The following PALM2AKAP2 variants were observed in gnomAD, a reference collection of about 807,000 sequenced individuals.
PALM2AKAP2 encodes PALM2-AKAP2 fusion protein.
A neutral mutation model predicts 71.5 loss-of-function variants in PALM2AKAP2; 37 were observed. That is an observed-to-expected ratio of 0.52 (90% confidence interval 0.40 to 0.68). PALM2AKAP2 has a LOEUF of 0.68. PALM2AKAP2 is among the 30% of genes least tolerant of loss of function. The pLI, the probability that PALM2AKAP2 is intolerant of heterozygous loss-of-function variation, is 0.00. For synonymous variants in PALM2AKAP2, 468 were observed against 478.8 expected (o/e 0.98, Z 0.29); for missense variants, 1,224 against 1,191.8 (o/e 1.03, Z -0.40).
intron 1 of PALM2AKAP2, among the ~76,000 whole-genome samples, chr9:109,693,857 C>T (rs552777767): frequency 6.6e-6 from 1 of 152,098 alleles, no homozygotes; most frequent in South Asian, 2.1e-4. Context: ...ATAGTGTCTT[C>T]GTAAATGTTT....
intron 1 of PALM2AKAP2, among the ~76,000 whole-genome samples, chr9:109,731,759 T>C (rs908666595): frequency 2.0e-4 from 31 of 152,210 alleles, no homozygotes; most frequent in African/African-American, 7.5e-4. Context: ...AATAAGCATG[T>C]TATACTCCTA....
At chr9:110,168,350 A>T in intron 3 of PALM2AKAP2, 49 bp from the exon 11 acceptor site, 1 of 1,590,144 alleles carries the variant, frequency 6.3e-7, no homozygotes, top group Non-Finnish European at 8.5e-7. Flanking sequence ...GTTTATGTTC[A>T]TAATTAACAT....
At chr9:110,111,552 C>T (rs1393471499) in intron 1 of PALM2AKAP2, among the ~76,000 whole-genome samples, 2 of 152,174 alleles carry the variant, frequency 1.3e-5, no homozygotes, top group Non-Finnish European at 2.9e-5. Flanking sequence ...ACAGCCTTTG[C>T]AGATAAAGTC....
intron 1 of PALM2AKAP2, among the ~76,000 whole-genome samples, chr9:109,663,173 T>TG (rs1007672009): frequency 1.3e-5 from 2 of 152,222 alleles, no homozygotes; most frequent in African/African-American, 4.8e-5. Flanking sequence ...AAAGGTTTTT[T>TG]GTGTCTCTAT....
intron 7 of PALM2AKAP2, among the ~76,000 whole-genome samples, chr9:110,026,867 A>G (rs1360556937): frequency 6.6e-6 from 1 of 151,980 alleles, no homozygotes; most frequent in Non-Finnish European, 1.5e-5. Flanking sequence ...AAATGGTGAA[A>G]CCCCGTCTCT....
intron 3 of PALM2AKAP2, among the ~76,000 whole-genome samples, chr9:109,916,524 G>A (rs991087858): frequency 1.3e-5 from 2 of 152,252 alleles, no homozygotes; most frequent in African/African-American, 4.8e-5. Context: ...GCCACACAAG[G>A]CCACATGCTC....
chr9:110,080,502 T>C (rs1055613049), intron 1 of PALM2AKAP2, among the ~76,000 whole-genome samples: 12 of 152,138 alleles, frequency 7.9e-5, no homozygotes, highest in African/African-American at 2.7e-4. Context: ...TAGGAAGAGA[T>C]GGGAAACACG....
At chr9:109,752,611 G>A (rs534381515) in intron 1 of PALM2AKAP2, among the ~76,000 whole-genome samples, 8 of 152,298 alleles carry the variant, frequency 5.3e-5, no homozygotes, top group African/African-American at 1.9e-4. Context: ...CCAAGGGGAT[G>A]AGGGGGAATG....
intron 3 of PALM2AKAP2, among the ~76,000 whole-genome samples, chr9:109,893,313 G>A (rs1830127578): frequency 6.6e-6 from 1 of 152,218 alleles, no homozygotes; most frequent in Non-Finnish European, 1.5e-5. Context: ...AGTAGAGGAT[G>A]AAAAAGAACA....
chr9:110,083,114 C>T (rs1412221847), intron 1 of PALM2AKAP2, among the ~76,000 whole-genome samples: 1 of 152,140 alleles, frequency 6.6e-6, no homozygotes. Flanking sequence ...GCACTCCAGC[C>T]TGGGCAACAA....
chr9:110,083,287 C>T (rs1834489428), intron 1 of PALM2AKAP2, among the ~76,000 whole-genome samples: 1 of 152,086 alleles, frequency 6.6e-6, no homozygotes. Flanking sequence ...AGTATTTGTC[C>T]TTCTGTACTA....
At chr9:109,704,325 G>T (rs1003115418) in intron 1 of PALM2AKAP2, among the ~76,000 whole-genome samples, 3 of 152,186 alleles carry the variant, frequency 2.0e-5, no homozygotes, top group Admixed American at 6.5e-5. Flanking sequence ...AGCCAGTGCT[G>T]GTTCTGAATT....
intron 1 of PALM2AKAP2, among the ~76,000 whole-genome samples, chr9:109,675,465 T>C (rs1245567811): frequency 1.3e-5 from 2 of 152,182 alleles, no homozygotes; most frequent in East Asian, 3.8e-4. Flanking sequence ...ATATAATAAT[T>C]GGAAAAGTTC....
At chr9:109,982,675 G>A (rs909989552) in intron 6 of PALM2AKAP2, among the ~76,000 whole-genome samples, 5 of 152,142 alleles carry the variant, frequency 3.3e-5, no homozygotes, top group Non-Finnish European at 1.5e-5. Flanking sequence ...ACCCAGGCAG[G>A]AGTGCAGTGC....
chr9:110,167,967 C>T (rs907645175), intron 3 of PALM2AKAP2, among the ~76,000 whole-genome samples: 4 of 152,254 alleles, frequency 2.6e-5, no homozygotes, highest in Middle Eastern at 3.4e-3. Flanking sequence ...GCCACACTAG[C>T]CCTATTTCAA....
At chr9:109,704,082 G>A (rs990139283) in intron 1 of PALM2AKAP2, among the ~76,000 whole-genome samples, 1 of 152,180 alleles carries the variant, frequency 6.6e-6, no homozygotes, top group African/African-American at 2.4e-5. Context: ...ACATCTCTGA[G>A]AGAATAGATA....
chr9:109,835,638 A>G (rs1479774355), intron 1 of PALM2AKAP2, among the ~76,000 whole-genome samples: 1 of 152,088 alleles, frequency 6.6e-6, no homozygotes, highest in Non-Finnish European at 1.5e-5. Flanking sequence ...AGCCAAGGGA[A>G]TCTGTGACAG....
At chr9:110,041,517 T>C (rs992922151) in intron 7 of PALM2AKAP2, among the ~76,000 whole-genome samples, 7 of 152,080 alleles carry the variant, frequency 4.6e-5, no homozygotes, top group African/African-American at 9.7e-5. Context: ...GCGGTGAATA[T>C]AATCAGGTCA....
intron 1 of PALM2AKAP2, among the ~76,000 whole-genome samples, chr9:109,663,310 T>C (rs1827429738): frequency 6.6e-6 from 1 of 152,228 alleles, no homozygotes; most frequent in Non-Finnish European, 1.5e-5. Flanking sequence ...TCCTGCTTTC[T>C]CTTGTGGGCA....
Sources: gnomAD v4.1 joint callset for allele counts (sites outside exome capture counted in the v4.1 genomes callset) on GRCh38, gnomAD v4.1.1 for gene constraint, MANE v1.5 for transcripts, NCBI Gene and HGNC (gene_info 2026-07-23, HGNC 2026-07-21) for gene names.